Variants in VAT1L observed in about 807,000 individuals in gnomAD.
VAT1L encodes the protein putative NADPH-dependent quinone oxidoreductase VAT1L.
VAT1L carries 34 observed loss-of-function variants against 44.1 expected under a neutral mutation model. The observed-to-expected ratio is 0.77, with a 90% CI of 0.59 to 1.03. VAT1L has a LOEUF of 1.03. Ranked by LOEUF, VAT1L falls within the 50% of genes least tolerant of loss-of-function variation. The pLI is 0.00. For missense variants in VAT1L, 615 were observed against 538.8 expected (o/e 1.14, Z -1.40); for synonymous variants, 253 against 202.2 (o/e 1.25, Z -2.13).
At position 77,862,908 on chromosome 16, in the gene VAT1L, G is replaced by C; in HGVS notation, c.722+18G>C. 5 of 1,612,246 alleles carry C rather than the reference G, an allele frequency of 3.1e-6. No homozygotes were observed. The highest frequency in any genetic ancestry group is 4.2e-6 in the Non-Finnish European group (5 of 1,179,288). Reference sequence around the variant, plus strand: ...GTTAAAAGGTAAGATGTTTGCTTTTGAAAAAGCACCAGGCTGGCCCTTGCT... The same window carrying C: ...GTTAAAAGGTAAGATGTTTGCTTTTCAAAAAGCACCAGGCTGGCCCTTGCT... On this transcript the variant is annotated intron_variant, in intron 4 of 8. Coordinates refer to ENST00000302536, the MANE Select transcript of VAT1L (RefSeq NM_020927.3).
chr16:77,824,356 T>C (rs919641256), intron 2 of VAT1L, among the ~76,000 whole-genome samples: 1 of 152,154 alleles, frequency 6.6e-6, no homozygotes, highest in Non-Finnish European at 1.5e-5. Flanking sequence ...ACAAGAAACA[T>C]AGAGCTGTCA....
chr16:77,888,082 C>T (rs1175996101), intron 7 of VAT1L, among the ~76,000 whole-genome samples: 2 of 152,194 alleles, frequency 1.3e-5, no homozygotes, highest in African/African-American at 2.4e-5. Flanking sequence ...CAATTTTTGA[C>T]AGTCTGCTTC....
At chr16:77,867,632 G>T in intron 4 of VAT1L, among the ~76,000 whole-genome samples, 1 of 152,118 alleles carries the variant, frequency 6.6e-6, no homozygotes, top group Non-Finnish European at 1.5e-5. Flanking sequence ...GCCGAGGCAG[G>T]AGGATCACCT....
intron 7 of VAT1L, among the ~76,000 whole-genome samples, chr16:77,925,418 T>C (rs1045421871): frequency 1.3e-5 from 2 of 152,176 alleles, no homozygotes; most frequent in Non-Finnish European, 2.9e-5. Flanking sequence ...CAGCCTACCA[T>C]TTACAAAATC....
At chr16:77,939,972 G>GT (rs2017858132) in intron 7 of VAT1L, among the ~76,000 whole-genome samples, 1 of 152,152 alleles carries the variant, frequency 6.6e-6, no homozygotes, top group African/African-American at 2.4e-5. Flanking sequence ...TTAAGATGCA[G>GT]TAATAGAAAT....
chr16:77,881,346 G>A (rs2142458580), intron 6 of VAT1L, among the ~76,000 whole-genome samples: 1 of 152,244 alleles, frequency 6.6e-6, no homozygotes, highest in African/African-American at 2.4e-5. Context: ...TGCACTTTGG[G>A]CCTTTTTGGT....
At chr16:77,950,969 A>G (rs2018035370) in intron 7 of VAT1L, among the ~76,000 whole-genome samples, 1 of 152,210 alleles carries the variant, frequency 6.6e-6, no homozygotes, top group Non-Finnish European at 1.5e-5. Flanking sequence ...GGATCTAGGC[A>G]TTAAGTTAGT....
rs1469269934 is a variant in VAT1L at position 77,801,728 on chromosome 16, A to G, written c.233+12813A>G. 6 of 152,188 alleles carry G rather than the reference A, an allele frequency of 3.9e-5. No homozygotes were observed. In the South Asian group the frequency reaches 1.0e-3, roughly 26 times the overall value. The allele number at this position is 152,188 out of a possible 1,614,324, so 9.4% of individuals were successfully genotyped here. On this transcript the variant is annotated intron_variant, in intron 1 of 8. Transcript: ENST00000302536. ...ACACTTTCATTTAAAAAAAAAAAAA[A>G]AAAGCATCCCTCATCTAGGATCAGA...
At chr16:77,903,523 A>C (rs1309277356) in intron 7 of VAT1L, among the ~76,000 whole-genome samples, 1 of 152,172 alleles carries the variant, frequency 6.6e-6, no homozygotes, top group Non-Finnish European at 1.5e-5. Flanking sequence ...TTCTAAGCCA[A>C]GCATTGGACT....
chr16:77,884,677 CT>C lies in VAT1L; in HGVS notation c.956del (p.Leu319Ter). 1 of 1,613,082 alleles carries C rather than the reference CT, an allele frequency of 6.2e-7. No homozygotes were observed. The highest frequency in any genetic ancestry group is 8.5e-7 in the Non-Finnish European group (1 of 1,179,626). On this transcript the variant is annotated frameshift_variant, in exon 7 of 9. Transcript: ENST00000302536. LOFTEE classifies it high-confidence loss of function. The surrounding 1 kb of genome is among the most constrained non-coding windows in gnomAD (Gnocchi z 4.5). The part of the protein sequence containing the change: ...EENKVIAGFS[L>X]LNLLFKQGRA... ...GAACAAAGTCATCGCGGGGTTTTCC[CT>C]TTTAAATCTGCTCTTCAAACAAGGC...
chr16:77,915,121 G>A (rs907677489), intron 7 of VAT1L, among the ~76,000 whole-genome samples: 11 of 150,594 alleles, frequency 7.3e-5, no homozygotes, highest in South Asian at 2.1e-4. Flanking sequence ...GCAAAATTCC[G>A]TCTCAAAAAA....
chr16:77,971,137 C>G (rs1016309887), intron 7 of VAT1L, among the ~76,000 whole-genome samples: 6 of 152,096 alleles, frequency 3.9e-5, no homozygotes, highest in African/African-American at 1.4e-4. Flanking sequence ...ACTCTCATGC[C>G]TCCCTCCCCA....
intron 7 of VAT1L, among the ~76,000 whole-genome samples, chr16:77,894,612 TA>T (rs1461666522): frequency 6.6e-6 from 1 of 152,096 alleles, no homozygotes; most frequent in Non-Finnish European, 1.5e-5. Flanking sequence ...TTTGGAGAGA[TA>T]AAAATGTTCT....
chr16:77,798,157 C>G (rs778317935), intron 1 of VAT1L, among the ~76,000 whole-genome samples: 1 of 152,196 alleles, frequency 6.6e-6, no homozygotes, highest in Non-Finnish European at 1.5e-5. Flanking sequence ...ATTGGGTCCT[C>G]TCACTCTTGA....
chr16:77,857,836 CT>C (rs5818094), intron 3 of VAT1L, among the ~76,000 whole-genome samples: 14,298 of 143,318 alleles, frequency 0.1, 1,126 homozygotes, highest in African/African-American at 0.22. Flanking sequence ...TTATCTCTCT[CT>C]TTTTTTTTTT....
chr16:77,802,390 G>T (rs2016073831), intron 1 of VAT1L, among the ~76,000 whole-genome samples: 1 of 152,136 alleles, frequency 6.6e-6, no homozygotes, highest in African/African-American at 2.4e-5. Context: ...GGCAAGGGGG[G>T]TGGAGCACAA....
At chr16:77,951,746 A>G (rs182190481) in intron 7 of VAT1L, among the ~76,000 whole-genome samples, 1 of 152,018 alleles carries the variant, frequency 6.6e-6, no homozygotes, top group Non-Finnish European at 1.5e-5. Context: ...GGACACAGAA[A>G]GGACTTCGGG....
chr16:77,938,795 G>A (rs1011647879), intron 7 of VAT1L, among the ~76,000 whole-genome samples: 1 of 152,140 alleles, frequency 6.6e-6, no homozygotes, highest in African/African-American at 2.4e-5. Flanking sequence ...TGTGAGAACA[G>A]ACTAATACAG....
intron 7 of VAT1L, among the ~76,000 whole-genome samples, chr16:77,933,217 T>TATC (rs2017752491): frequency 6.6e-6 from 1 of 152,206 alleles, no homozygotes; most frequent in Non-Finnish European, 1.5e-5. Context: ...AGTAAACCCC[T>TATC]ATCTTAGTTC....
Sources: allele counts gnomAD v4.1 joint callset (sites outside exome capture counted in the v4.1 genomes callset), GRCh38; gene constraint gnomAD v4.1.1; non-coding constraint Gnocchi (gnomAD v3.1); transcripts MANE v1.5; gene names NCBI Gene and HGNC (gene_info 2026-07-23, HGNC 2026-07-21).